Variants in THAP12 observed in about 807,000 individuals in gnomAD.
THAP12 encodes the protein 52 kDa repressor of the inhibitor of the protein kinase.
A neutral mutation model predicts 63.0 loss-of-function variants in THAP12; 20 were observed. The observed-to-expected ratio is 0.32, with a 90% confidence interval of 0.22 to 0.46. THAP12 has a LOEUF of 0.46. THAP12 is among the 20% of genes least tolerant of loss of function. The pLI, the probability that THAP12 is intolerant of heterozygous loss-of-function variation, is 1.00. For missense variants in THAP12, 568 were observed against 908.2 expected, an observed-to-expected ratio of 0.63 and a Z score of 4.81; for synonymous variants, 264 against 328.4, an observed-to-expected ratio of 0.80 and a Z score of 2.12.
chr11:76,365,991 T>C lies in THAP12; in HGVS notation c.90-19A>G. 1 of 1,607,132 alleles carries C rather than the reference T, an allele frequency of 6.2e-7. No homozygotes were observed. The highest frequency in any genetic ancestry group is 8.5e-7 in the Non-Finnish European group (1 of 1,178,198). ...CTGGCATCTATAAATAAAACCAAAA[T>C]ACAATTATGAAAATGAGCTCAGCAT... is the stretch of plus-strand genomic sequence containing the variant. On this transcript the variant is annotated intron_variant, in intron 1 of 4. Coordinates refer to ENST00000260045, the MANE Select transcript of THAP12 (RefSeq NM_004705.4).
In THAP12 at chr11:76,350,512, C is replaced by T. The variant is rs981678321; in HGVS notation, c.*352G>A. ...ATAAAATGTATTCCTTCCTCCCACA[C>T]CTCTTCAAAATATATTTCTTCAAAG... On this transcript the variant is annotated 3_prime_UTR_variant, in exon 5 of 5. Coordinates refer to ENST00000260045, the MANE Select transcript of THAP12 (RefSeq NM_004705.4). The T allele has an allele frequency of 6.1e-6, 1 of 163,994 alleles. No individual in the cohort carries two copies. Among genetic ancestry groups the T allele is most frequent in the Non-Finnish European group, 1.3e-5 (1 of 76,280 alleles). The allele number at this position is 163,994 out of a possible 1,614,324, so 10.2% of individuals were successfully genotyped here.
At chr11:76,363,004 A>G (rs1364406198) in intron 2 of THAP12, among the ~76,000 whole-genome samples, 1 of 152,156 alleles carries the variant, frequency 6.6e-6, no homozygotes, top group Non-Finnish European at 1.5e-5. Context: ...TTAGCGAGGT[A>G]TGGTGGCATG....
At position 76,352,682 on chromosome 11, in the gene THAP12, G is replaced by T. The variant is rs1473027008; in HGVS notation, c.468C>A (p.Thr156=). The part of the protein sequence containing the change: ...EGQDEDILPL[T]LEEKENKEYL... Reference sequence around the variant, plus strand: ...ATTCTTTGTTTTCCTTCTCTTCAAGGGTTAGAGGTAAAATGTCCTCATCTT... The same window carrying T: ...ATTCTTTGTTTTCCTTCTCTTCAAGTGTTAGAGGTAAAATGTCCTCATCTT... Residue 156 remains threonine, a synonymous_variant, in exon 5 of 5, where the codon ACC becomes ACA. Coordinates refer to ENST00000260045, the MANE Select transcript of THAP12 (RefSeq NM_004705.4). 3.1e-6 allele frequency: 5 copies of T among 1,613,092 alleles called. No individual in the cohort carries two copies. The highest frequency in any genetic ancestry group is 2.5e-6 in the Non-Finnish European group (3 of 1,179,924).
chr11:76,358,842 G>A (rs1250346059), intron 3 of THAP12: 1 of 151,982 alleles, frequency 6.6e-6, no homozygotes, highest in African/African-American at 2.4e-5. Flanking sequence ...TATGGGAGTA[G>A]AAGGGAATTT....
Position 76,352,397 on chromosome 11 carries a change from G to C in THAP12, c.753C>G (p.Leu251=), listed in dbSNP as rs769828343. ...AGAAGTGTGAGTCTCTCACTTCCCT[G>C]AGAGTTTCTTCTCGAATACAGCTCT... ...ICESCIREET[L]REVRDSHFFS... is the part of the protein sequence containing the mutation. Residue 251 remains leucine (L), a synonymous_variant, in exon 5 of 5, where the codon CTC becomes CTG. Transcript: ENST00000260045. 6.2e-7 allele frequency: 1 copy of C among 1,611,842 alleles called. No individual in the cohort carries two copies. The highest frequency in any genetic ancestry group is 1.3e-5 in the African/African-American group (1 of 74,858).
In THAP12 at chr11:76,381,015, G is replaced by A. The variant is rs1282653991; in HGVS notation, c.-179C>T. On this transcript the variant is annotated 5_prime_UTR_variant, in exon 1 of 5. Coordinates refer to ENST00000260045, the MANE Select transcript of THAP12 (RefSeq NM_004705.4). Reference sequence around the variant, plus strand: ...GGCCAGGAGGGGTGCCGCGGTCCGAGGCCGGGCTGGGGACGCGGCTCCACA... The same window carrying A: ...GGCCAGGAGGGGTGCCGCGGTCCGAAGCCGGGCTGGGGACGCGGCTCCACA... The A allele has an allele frequency of 2.7e-5, 7 of 257,488 alleles. No homozygotes were observed. Among genetic ancestry groups the A allele is most frequent in the South Asian group, 1.7e-4 (1 of 5,926 alleles). 16.0% of individuals were successfully genotyped at this position (257,488 alleles called of 1,614,324 possible).
At chr11:76,363,951 G>T (rs1388027608) in intron 2 of THAP12, among the ~76,000 whole-genome samples, 4 of 152,090 alleles carry the variant, frequency 2.6e-5, no homozygotes, top group Non-Finnish European at 5.9e-5. Context: ...CGTATAGAAA[G>T]AACATTTTCT....
rs1227612972 is a variant in THAP12 at position 76,365,870 on chromosome 11, G to A, written c.192C>T (p.Thr64=). Residue 64 remains threonine (T), a synonymous_variant, in exon 2 of 5, where the codon ACC becomes ACT. Transcript: ENST00000260045. ...TACTCACAGTTCTACAGATCATAGAGGTCTCAAAATGTTTGGCACATAATC... is the reference window on the plus strand; with the variant it reads ...TACTCACAGTTCTACAGATCATAGAAGTCTCAAAATGTTTGGCACATAATC... The part of the protein sequence containing the change: ...HYRLCAKHFE[T]SMICRTSPYR... 13 of 1,612,986 alleles carry A rather than the reference G, an allele frequency of 8.1e-6. No homozygotes were observed. The highest frequency in any genetic ancestry group is 1.1e-5 in the Non-Finnish European group (13 of 1,179,532).
intron 1 of THAP12, among the ~76,000 whole-genome samples, chr11:76,374,120 T>C (rs1053722434): frequency 2.6e-5 from 4 of 152,194 alleles, no homozygotes; most frequent in African/African-American, 9.6e-5. Context: ...CATAACGATA[T>C]GCAGTTAAAA....
At position 76,360,952 on chromosome 11, in the gene THAP12, A is replaced by G. The variant is rs1427172096; in HGVS notation, c.318+4T>C. On this transcript the variant is annotated splice_donor_region_variant and intron_variant, in intron 3 of 4. Transcript: ENST00000260045. ...GTGGGAAAGCTGAAAGTACATAGAC[A>G]TACCAGTTCTTTTATTCGTTTTCTG... 6.4e-7 allele frequency: 1 copy of G among 1,565,588 alleles called. No homozygotes were observed. The highest frequency in any genetic ancestry group is 8.8e-7 in the Non-Finnish European group (1 of 1,137,986).
intron 2 of THAP12, among the ~76,000 whole-genome samples, chr11:76,363,649 C>G (rs1051123987): frequency 6.6e-6 from 1 of 152,206 alleles, no homozygotes; most frequent in Admixed American, 6.5e-5. Flanking sequence ...AGTGCAGTGG[C>G]ACAATCTTGG....
intron 1 of THAP12, among the ~76,000 whole-genome samples, chr11:76,367,484 G>A (rs141637725): frequency 1.5e-3 from 233 of 151,580 alleles, no homozygotes; most frequent in African/African-American, 5.4e-3. Context: ...GTGCAGTGGT[G>A]TGATCTCAGC....
Position 76,376,615 on chromosome 11 carries a change from G to GTTTTTTT in THAP12, c.89+4126_89+4132dup, listed in dbSNP as rs375196452. On this transcript the variant is annotated intron_variant, in intron 1 of 4. Coordinates refer to ENST00000260045, the MANE Select transcript of THAP12 (RefSeq NM_004705.4). Reference sequence around the variant, plus strand: ...TCTTCGAATGCTAAATTGTGTCTATGTTTTTTTTGTTTTTTTTTTTTTTTC... The same window carrying GTTTTTTT: ...TCTTCGAATGCTAAATTGTGTCTATGTTTTTTTTTTTTTTTGTTTTTTTTTTTTTTTC... Among the ~76,000 whole-genome samples, 8 of 127,784 alleles carry GTTTTTTT rather than the reference G, an allele frequency of 6.3e-5. 1 individual carries two copies. Among genetic ancestry groups the GTTTTTTT allele is most frequent in the South Asian group, 5.3e-4 (2 of 3,760 alleles). The allele number at this position is 127,784 out of a possible 152,430, so 83.8% of individuals were successfully genotyped here.
intron 1 of THAP12, among the ~76,000 whole-genome samples, chr11:76,372,418 A>AG (rs1555025719): frequency 2.7e-4 from 40 of 150,880 alleles, no homozygotes; most frequent in Non-Finnish European, 3.7e-4. Flanking sequence ...AAAAAAAAAA[A>AG]AGAGAGAGAG....
chr11:76,376,187 G>A (rs114654303), intron 1 of THAP12, among the ~76,000 whole-genome samples: 1,705 of 152,232 alleles, frequency 0.011, 40 homozygotes, highest in African/African-American at 0.039. Context: ...ACACTTAAAG[G>A]TTAAATTAGC....
intron 1 of THAP12, among the ~76,000 whole-genome samples, chr11:76,376,594 C>T (rs887769746): frequency 4.2e-5 from 6 of 144,080 alleles, no homozygotes; most frequent in Non-Finnish European, 6.0e-5. Flanking sequence ...TCTTTGTCTT[C>T]GAATGCTAAA....
At chr11:76,359,535 C>T (rs1946583624) in intron 3 of THAP12, 2 of 152,096 alleles carry the variant, frequency 1.3e-5, no homozygotes, top group South Asian at 4.1e-4. Flanking sequence ...AAAGGACTTT[C>T]AAATTCATAT....
chr11:76,361,392 A>AG (rs1489802997), intron 2 of THAP12: 1 of 189,684 alleles, frequency 5.3e-6, no homozygotes, highest in Non-Finnish European at 1.1e-5. Flanking sequence ...AATCTACAGG[A>AG]GGTACAAGTC....
chr11:76,366,322 C>G (rs965098720), intron 1 of THAP12, among the ~76,000 whole-genome samples: 1 of 152,132 alleles, frequency 6.6e-6, no homozygotes, highest in Non-Finnish European at 1.5e-5. Context: ...CCACAAGGCT[C>G]ACAGCTTAAC....
Sources: allele counts gnomAD v4.1 joint callset (sites outside exome capture counted in the v4.1 genomes callset), GRCh38; gene constraint gnomAD v4.1.1; transcripts MANE v1.5; gene names NCBI Gene and HGNC (gene_info 2026-07-23, HGNC 2026-07-21).